The following DMD variants were observed in gnomAD, a reference collection of about 807,000 sequenced individuals.
DMD encodes the protein mutant dystrophin.
DMD carries 63 observed loss-of-function variants against 330.1 expected under a neutral mutation model. The ratio of observed to expected loss-of-function variants is 0.19; its 90% CI spans 0.16 to 0.24. DMD has a LOEUF of 0.24. Ranked by LOEUF, DMD falls within the 10% of genes least tolerant of loss-of-function variation. DMD has a pLI of 1.00. For missense variants in DMD, 3,344 were observed against 2,684.1 expected, an observed-to-expected ratio of 1.25 and a Z score of -5.43; for synonymous variants, 1,223 against 959.8, an observed-to-expected ratio of 1.27 and a Z score of -5.07.
At chrX:32,575,234 G>C (rs930150695) in intron 13 of DMD, among the ~76,000 whole-genome samples, 2 of 110,962 alleles carry the variant, frequency 1.8e-5, no homozygotes. Flanking sequence ...GGAGAGTCAC[G>C]TTTCTTAAAT....
intron 1 of DMD, among the ~76,000 whole-genome samples, chrX:33,094,485 C>T (rs1027997963): frequency 2.7e-5 from 3 of 111,715 alleles, no homozygotes; most frequent in African/African-American, 9.7e-5. Flanking sequence ...TATGCATGTG[C>T]TATATAAAAT....
intron 2 of DMD, among the ~76,000 whole-genome samples, chrX:32,875,251 A>G (rs902990402): frequency 1.6e-4 from 18 of 110,931 alleles, no homozygotes; most frequent in African/African-American, 5.9e-4. Context: ...ACTATTGCCT[A>G]TGTTTCTATT....
intron 60 of DMD, among the ~76,000 whole-genome samples, chrX:31,357,151 C>A (rs2058716487): frequency 9.0e-6 from 1 of 111,436 alleles, no homozygotes; most frequent in African/African-American, 3.3e-5. Flanking sequence ...GCTATTTATT[C>A]TTGAGCTTTA....
chrX:31,332,971 T>C (rs1398715320), intron 61 of DMD, among the ~76,000 whole-genome samples: 2 of 111,936 alleles, frequency 1.8e-5, no homozygotes, highest in African/African-American at 6.5e-5. Context: ...AGAGTTAAAC[T>C]GACTGTTAAC....
intron 12 of DMD, among the ~76,000 whole-genome samples, chrX:32,608,640 G>A (rs2056927366): frequency 9.1e-6 from 1 of 110,351 alleles, no homozygotes; most frequent in South Asian, 3.8e-4. Flanking sequence ...GCCCTTGTCA[G>A]AAAGTTAGCC....
intron 29 of DMD, among the ~76,000 whole-genome samples, chrX:32,433,442 C>T (rs1173173313): frequency 1.8e-5 from 2 of 111,854 alleles, no homozygotes; most frequent in Non-Finnish European, 3.8e-5. Flanking sequence ...CTTTGGGAGG[C>T]CGAGGCGGGC....
chrX:31,254,954 AG>A (rs1370449672), intron 63 of DMD, among the ~76,000 whole-genome samples: 5 of 105,067 alleles, frequency 4.8e-5, no homozygotes, highest in Non-Finnish European at 9.7e-5. Flanking sequence ...CTGAGGTGGG[AG>A]GGTCACTTGA....
chrX:33,094,077 T>TG (rs1247862679), intron 1 of DMD, among the ~76,000 whole-genome samples: 1 of 107,333 alleles, frequency 9.3e-6, no homozygotes, highest in African/African-American at 3.3e-5. Flanking sequence ...AAAATGTGTG[T>TG]TTTTTTTTTC....
chrX:33,066,320 G>A (rs985732716), intron 1 of DMD, among the ~76,000 whole-genome samples: 7 of 106,965 alleles, frequency 6.5e-5, no homozygotes, highest in Admixed American at 1.0e-4. Flanking sequence ...CTGGTGGTGC[G>A]CGCCTGTAAT....
At position 32,985,273 on chromosome X, in the gene DMD, A is replaced by T. The variant is rs548141810; in HGVS notation, c.93+34866T>A. Among the ~76,000 whole-genome samples the T allele has an allele frequency of 1.1e-4, 12 of 112,169 alleles. No homozygotes were observed. In the South Asian group the frequency reaches 3.7e-3, roughly 34 times the overall value. On this transcript the variant is annotated intron_variant, in intron 2 of 78. Transcript: ENST00000357033. Reference sequence around the variant, plus strand: ...TTAATTTAGATAATTTTAGGACTTTACATAAAATGAATCACATATGCACTA... The same window carrying T: ...TTAATTTAGATAATTTTAGGACTTTTCATAAAATGAATCACATATGCACTA...
chrX:32,299,515 A>ATTT (rs5902024), intron 42 of DMD, among the ~76,000 whole-genome samples: 11 of 100,669 alleles, frequency 1.1e-4, no homozygotes, highest in South Asian at 4.6e-4. Context: ...TTCTGATACA[A>ATTT]TTTTTTTTTT....
chrX:32,652,186 T>G lies in DMD; in HGVS notation c.961-7034A>C, dbSNP rs766680225. On this transcript the variant is annotated intron_variant, in intron 9 of 78. Coordinates refer to ENST00000357033, the MANE Select transcript of DMD (RefSeq NM_004006.3). ...ATACTAGGGTACATGTGCACAACGT[T>G]CAGGTTTGTTACATATGTATACATG... is the stretch of plus-strand genomic sequence containing the variant. Among the ~76,000 whole-genome samples, 11 of 110,558 alleles carry G rather than the reference T, an allele frequency of 9.9e-5. No individual in the cohort carries two copies. In the East Asian group the frequency reaches 3.2e-3, roughly 32 times the overall value.
chrX:32,314,758 A>G (rs193300957), intron 41 of DMD, among the ~76,000 whole-genome samples: 3 of 112,102 alleles, frequency 2.7e-5, no homozygotes, highest in Admixed American at 1.9e-4. Flanking sequence ...AAAAGAAGAC[A>G]TTTACGCGGC....
At chrX:33,294,989 G>A (rs2053563770) in intron 1 of DMD, among the ~76,000 whole-genome samples, 1 of 110,943 alleles carries the variant, frequency 9.0e-6, no homozygotes, top group South Asian at 3.7e-4. Flanking sequence ...AAGAGTTAAA[G>A]CATGGATTAC....
At chrX:32,291,520 G>C (rs931973751) in intron 42 of DMD, among the ~76,000 whole-genome samples, 1 of 111,708 alleles carries the variant, frequency 9.0e-6, no homozygotes, top group African/African-American at 3.3e-5. Context: ...CATTTGAGCT[G>C]AAGTGGGAAG....
chrX:31,321,607 A>AAAAAGAAGAAAG (rs1388525572), intron 62 of DMD, among the ~76,000 whole-genome samples: 1 of 89,284 alleles, frequency 1.1e-5, no homozygotes, highest in Non-Finnish European at 2.0e-5. Context: ...AAAAAAAAAA[A>AAAAAGAAGAAAG]AAAGAAAGAA....
chrX:31,944,664 T>C (rs1448835534), intron 45 of DMD, among the ~76,000 whole-genome samples: 2 of 61,193 alleles, frequency 3.3e-5, no homozygotes, highest in Non-Finnish European at 6.4e-5. Context: ...TTTGTTCTGC[T>C]TTTTTTTTTT....
chrX:32,467,632 G>A (rs979109703), intron 23 of DMD, among the ~76,000 whole-genome samples: 8 of 100,176 alleles, frequency 8.0e-5, no homozygotes, highest in African/African-American at 2.2e-4. Context: ...CATTATACAC[G>A]TATATATATA....
chrX:31,944,029 C>A (rs945618970), intron 45 of DMD, among the ~76,000 whole-genome samples: 1 of 111,369 alleles, frequency 9.0e-6, no homozygotes, highest in Non-Finnish European at 1.9e-5. Flanking sequence ...AGCTAAGTTC[C>A]TCAGAAACAG....
Sources: gnomAD v4.1 joint callset for allele counts (sites outside exome capture counted in the v4.1 genomes callset) on GRCh38, gnomAD v4.1.1 for gene constraint, MANE v1.5 for transcripts, NCBI Gene and HGNC (gene_info 2026-07-23, HGNC 2026-07-21) for gene names.